ZNF385D: variants seen among roughly 807,000 people sequenced by gnomAD.
ZNF385D encodes the protein zinc finger protein 659.
A neutral mutation model predicts 35.8 loss-of-function variants in ZNF385D; 15 were observed. That is an observed-to-expected ratio of 0.42 (90% CI 0.28 to 0.64). The LOEUF (loss-of-function observed/expected upper bound fraction) is 0.64. ZNF385D is among the 30% of genes least tolerant of loss of function. ZNF385D has a pLI of 0.23. For synonymous variants in ZNF385D, 212 were observed against 186.8 expected (o/e 1.13, Z -1.10); for missense variants, 474 against 494.6 (o/e 0.96, Z 0.39).
At chr3:21,650,059 T>G (rs926623522) in intron 2 of ZNF385D, among the ~76,000 whole-genome samples, 1 of 151,816 alleles carries the variant, frequency 6.6e-6, no homozygotes, top group Non-Finnish European at 1.5e-5. Context: ...AAAAAAAAAT[T>G]ACAAACATTA....
chr3:22,263,087 T>G (rs1188294009), intron 2 of ZNF385D, among the ~76,000 whole-genome samples: 1 of 152,020 alleles, frequency 6.6e-6, no homozygotes, highest in East Asian at 1.9e-4. Flanking sequence ...TCACTGACCT[T>G]CCGTGGTAAC....
intron 3 of ZNF385D, among the ~76,000 whole-genome samples, chr3:22,103,841 G>C (rs531779322): frequency 1.3e-5 from 2 of 151,822 alleles, no homozygotes; most frequent in Non-Finnish European, 2.9e-5. Context: ...GACTTTACAC[G>C]GAAAGGGAAA....
chr3:22,300,555 G>T (rs879284813), intron 2 of ZNF385D, among the ~76,000 whole-genome samples: 2 of 151,734 alleles, frequency 1.3e-5, no homozygotes, highest in Non-Finnish European at 2.9e-5. Flanking sequence ...AAAGAAGTTA[G>T]CACCCAACAT....
intron 5 of ZNF385D, among the ~76,000 whole-genome samples, chr3:21,428,826 G>T (rs1575127039): frequency 6.6e-6 from 1 of 151,782 alleles, no homozygotes; most frequent in Non-Finnish European, 1.5e-5. Flanking sequence ...ACCTTTAAAA[G>T]GCTGGTACTG....
chr3:22,271,095 G>A (rs1371825289), intron 2 of ZNF385D, among the ~76,000 whole-genome samples: 1 of 151,812 alleles, frequency 6.6e-6, no homozygotes, highest in Non-Finnish European at 1.5e-5. Context: ...TTGAGCCAGA[G>A]ATCCAGCCAT....
At chr3:21,846,697 C>G (rs926033767) in intron 3 of ZNF385D, among the ~76,000 whole-genome samples, 2 of 151,908 alleles carry the variant, frequency 1.3e-5, no homozygotes, top group Non-Finnish European at 2.9e-5. Flanking sequence ...TAGGAATTAA[C>G]TATCCCCAGC....
At chr3:22,330,712 T>C (rs1694892999) in intron 2 of ZNF385D, among the ~76,000 whole-genome samples, 1 of 152,230 alleles carries the variant, frequency 6.6e-6, no homozygotes, top group Non-Finnish European at 1.5e-5. Flanking sequence ...CAGGGATTTC[T>C]GTGGAATAAG....
chr3:22,098,655 C>A (rs1385558763), intron 3 of ZNF385D, among the ~76,000 whole-genome samples: 3 of 151,906 alleles, frequency 2.0e-5, no homozygotes, highest in Non-Finnish European at 4.4e-5. Flanking sequence ...GGCATGGGTG[C>A]AAATGACATG....
chr3:22,041,426 T>G (rs556780812), intron 3 of ZNF385D, among the ~76,000 whole-genome samples: 1 of 152,244 alleles, frequency 6.6e-6, no homozygotes, highest in East Asian at 1.9e-4. Context: ...CAGAAATCAT[T>G]AAGCAAAGTG....
chr3:22,091,683 C>G (rs928315434), intron 3 of ZNF385D, among the ~76,000 whole-genome samples: 10 of 152,150 alleles, frequency 6.6e-5, no homozygotes, highest in African/African-American at 1.7e-4. Context: ...AGACACAGAG[C>G]CCCCCGACTG....
At chr3:22,048,229 A>T (rs1699125430) in intron 3 of ZNF385D, among the ~76,000 whole-genome samples, 1 of 151,752 alleles carries the variant, frequency 6.6e-6, no homozygotes, top group Non-Finnish European at 1.5e-5. Flanking sequence ...TCCTATGCAG[A>T]ATTTTTTTTA....
intron 2 of ZNF385D, among the ~76,000 whole-genome samples, chr3:22,340,472 C>T (rs549152860): frequency 6.6e-6 from 1 of 152,234 alleles, no homozygotes; most frequent in African/African-American, 2.4e-5. Context: ...ATGGTGAAAC[C>T]TTATCTCTAC....
At chr3:21,898,850 T>C (rs1699266354) in intron 3 of ZNF385D, among the ~76,000 whole-genome samples, 1 of 151,960 alleles carries the variant, frequency 6.6e-6, no homozygotes, top group Non-Finnish European at 1.5e-5. Context: ...ACCAAAGAAA[T>C]AAAGGAGACA....
chr3:21,912,490 C>A (rs140664218), intron 3 of ZNF385D, among the ~76,000 whole-genome samples: 1 of 152,044 alleles, frequency 6.6e-6, no homozygotes, highest in Non-Finnish European at 1.5e-5. Context: ...ACAGATAAAT[C>A]CGAATGTGTA....
At chr3:22,021,798 T>C (rs1405601200) in intron 3 of ZNF385D, among the ~76,000 whole-genome samples, 2 of 152,092 alleles carry the variant, frequency 1.3e-5, no homozygotes, top group African/African-American at 4.8e-5. Flanking sequence ...TTGGAATGTT[T>C]TGGGGAGCTT....
At chr3:21,565,340 C>CAACA (rs894788781) in intron 2 of ZNF385D, among the ~76,000 whole-genome samples, 39 of 152,166 alleles carry the variant, frequency 2.6e-4, no homozygotes, top group African/African-American at 8.2e-4. Context: ...ACAGGACAAA[C>CAACA]AACAAGAAAA....
intron 7 of ZNF385D, among the ~76,000 whole-genome samples, chr3:21,423,436 CA>C (rs981165307): frequency 4.6e-5 from 7 of 152,070 alleles, no homozygotes; most frequent in Non-Finnish European, 1.0e-4. Context: ...ACTAACAAAA[CA>C]AAATAATATA....
chr3:21,957,346 G>C (rs149305614), intron 3 of ZNF385D, among the ~76,000 whole-genome samples: 2,467 of 152,224 alleles, frequency 0.016, 54 homozygotes, highest in East Asian at 0.071. Flanking sequence ...TTTGGAACTG[G>C]GTAACAGGCA....
intron 2 of ZNF385D, chr3:21,579,283 C>T (rs565583456): frequency 6.6e-6 from 1 of 152,220 alleles, no homozygotes; most frequent in African/African-American, 2.4e-5. Flanking sequence ...ATTCTGTTAC[C>T]AGCTGTATCA....
Sources: gnomAD v4.1 joint callset for allele counts (sites outside exome capture counted in the v4.1 genomes callset) on GRCh38, gnomAD v4.1.1 for gene constraint, MANE v1.5 for transcripts, NCBI Gene and HGNC (gene_info 2026-07-23, HGNC 2026-07-21) for gene names.